Variants in CHCHD3 observed in about 807,000 individuals in gnomAD.
The protein encoded by CHCHD3 is MICOS complex subunit MIC19.
CHCHD3 carries 20 observed loss-of-function variants against 38.2 expected under a neutral mutation model. The ratio of observed to expected loss-of-function variants is 0.52; its 90% CI spans 0.37 to 0.76. The LOEUF is 0.76. Ranked by LOEUF, CHCHD3 falls within the 30% of genes least tolerant of loss-of-function variation. The pLI is 0.00. For missense variants in CHCHD3, 245 were observed against 279.2 expected (o/e 0.88, Z 0.87); for synonymous variants, 82 against 100.0 (o/e 0.82, Z 1.07).
chr7:133,049,940 T>C (rs1387163819), intron 2 of CHCHD3, among the ~76,000 whole-genome samples: 1 of 152,176 alleles, frequency 6.6e-6, no homozygotes. Flanking sequence ...AGGTACACAT[T>C]TATTCGTCTC....
chr7:132,995,000 T>C (rs1029964048), intron 3 of CHCHD3, among the ~76,000 whole-genome samples: 1 of 152,232 alleles, frequency 6.6e-6, no homozygotes, highest in African/African-American at 2.4e-5. Context: ...TGACAGATGT[T>C]TTATTTCTAG....
intron 3 of CHCHD3, among the ~76,000 whole-genome samples, chr7:132,980,989 G>GT (rs1185555786): frequency 6.6e-6 from 1 of 151,942 alleles, no homozygotes; most frequent in Non-Finnish European, 1.5e-5. Context: ...TAGTTTTTTT[G>GT]TTTTTTGTTT....
At chr7:132,891,932 T>C (rs551156795) in intron 4 of CHCHD3, among the ~76,000 whole-genome samples, 39 of 152,318 alleles carry the variant, frequency 2.6e-4, no homozygotes, top group African/African-American at 6.5e-4. Context: ...CCTTCCACCA[T>C]GATTGTAAGT....
In CHCHD3 at chr7:133,013,958, G is replaced by A. The variant is rs79177693; in HGVS notation, c.251+10588C>T. Among the ~76,000 whole-genome samples, 434 of 152,062 alleles carry A rather than the reference G, an allele frequency of 2.9e-3. 1 individual carries two copies. The highest frequency in any genetic ancestry group is 9.3e-3 in the African/African-American group (384 of 41,470). On this transcript the variant is annotated intron_variant, in intron 3 of 7. Transcript: ENST00000262570. ...TTCCTATGTCAAACCTACCTGGTTC[G>A]GTAGAAATAATGGAAGAATTGCAGA...
intron 3 of CHCHD3, among the ~76,000 whole-genome samples, chr7:133,015,006 A>T (rs1243848225): frequency 6.6e-6 from 1 of 152,166 alleles, no homozygotes; most frequent in Non-Finnish European, 1.5e-5. Flanking sequence ...AGAAATTTAA[A>T]CTGCCATTGT....
chr7:132,990,607 A>G (rs1421305), intron 3 of CHCHD3, among the ~76,000 whole-genome samples: 107,654 of 151,720 alleles, frequency 0.71, 38,344 homozygotes, highest in African/African-American at 0.75. Context: ...ATGAAATAAC[A>G]TGAGAATCTC....
intron 2 of CHCHD3, among the ~76,000 whole-genome samples, chr7:133,066,005 G>A (rs1268008896): frequency 6.6e-6 from 1 of 152,148 alleles, no homozygotes; most frequent in Non-Finnish European, 1.5e-5. Context: ...AAGCACTGGT[G>A]TGTTCCAGAT....
intron 5 of CHCHD3, among the ~76,000 whole-genome samples, chr7:132,879,387 G>A (rs764005173): frequency 2.6e-5 from 4 of 152,118 alleles, no homozygotes; most frequent in Non-Finnish European, 5.9e-5. Flanking sequence ...GCTTCATGCT[G>A]AGCCAAAACC....
intron 3 of CHCHD3, among the ~76,000 whole-genome samples, chr7:132,984,535 T>G (rs1321984869): frequency 2.9e-5 from 4 of 137,712 alleles, no homozygotes; most frequent in Admixed American, 7.3e-5. Flanking sequence ...TCGTCTGGGA[T>G]GTGAGGAGCC....
chr7:132,939,590 C>T lies in CHCHD3; in HGVS notation c.369+35579G>A, dbSNP rs559090279. ...ACTCTCTAGTATTCACACAATGATG[C>T]ATTTTTCAGAATGTATCTTCTTTGT... On this transcript the variant is annotated intron_variant, in intron 4 of 7. Coordinates refer to ENST00000262570, the MANE Select transcript of CHCHD3 (RefSeq NM_017812.4). Among the ~76,000 whole-genome samples, 10 of 152,260 alleles carry T rather than the reference C, an allele frequency of 6.6e-5. No homozygotes were observed. The South Asian group carries it at 8.3e-4, about 13-fold the overall frequency.
At chr7:133,058,260 G>A (rs1350424936) in intron 2 of CHCHD3, among the ~76,000 whole-genome samples, 1 of 149,014 alleles carries the variant, frequency 6.7e-6, no homozygotes, top group Non-Finnish European at 1.5e-5. Flanking sequence ...TTTTCTTTGA[G>A]ATGGGGTGTC....
intron 4 of CHCHD3, among the ~76,000 whole-genome samples, chr7:132,940,739 G>C (rs1476360557): frequency 6.6e-6 from 1 of 152,082 alleles, no homozygotes; most frequent in African/African-American, 2.4e-5. Context: ...CATTGACTTG[G>C]GTGGAAATAA....
At chr7:132,901,721 T>G (rs992073940) in intron 4 of CHCHD3, among the ~76,000 whole-genome samples, 17 of 152,360 alleles carry the variant, frequency 1.1e-4, no homozygotes, top group African/African-American at 3.4e-4. Flanking sequence ...ATTAGCCCTT[T>G]GTCAGATAAG....
intron 3 of CHCHD3, among the ~76,000 whole-genome samples, chr7:132,976,289 C>G (rs956563159): frequency 6.6e-6 from 1 of 152,182 alleles, no homozygotes. Flanking sequence ...CATGCTCTAG[C>G]AAACTAAGAC....
chr7:132,981,020 C>G (rs1469499417), intron 3 of CHCHD3, among the ~76,000 whole-genome samples: 1 of 152,146 alleles, frequency 6.6e-6, no homozygotes, highest in Non-Finnish European at 1.5e-5. Context: ...TGGTCTTGCT[C>G]TCTTGCCCAG....
intron 1 of CHCHD3, 121 bp downstream of exon 1, chr7:133,081,736 T>C (rs1815176674): frequency 3.3e-6 from 3 of 919,860 alleles, no homozygotes; most frequent in Middle Eastern, 2.1e-4. Flanking sequence ...ACACCTGGGC[T>C]TCTGGCCTTA....
intron 6 of CHCHD3, among the ~76,000 whole-genome samples, chr7:132,817,891 C>A (rs1318187194): frequency 2.9e-4 from 39 of 136,116 alleles, no homozygotes; most frequent in Admixed American, 5.9e-4. Flanking sequence ...GACCCTGTCT[C>A]AAAAAAAAAA....
At chr7:132,997,088 G>A (rs1300327402) in intron 3 of CHCHD3, among the ~76,000 whole-genome samples, 2 of 152,086 alleles carry the variant, frequency 1.3e-5, no homozygotes, top group Non-Finnish European at 2.9e-5. Flanking sequence ...CAAATCCCAC[G>A]CAGCATGAAC....
intron 4 of CHCHD3, among the ~76,000 whole-genome samples, chr7:132,945,663 A>G (rs2117277931): frequency 6.6e-6 from 1 of 152,068 alleles, no homozygotes; most frequent in Non-Finnish European, 1.5e-5. Flanking sequence ...CCCATTTAAT[A>G]ACACTCATCT....
Sources: gnomAD v4.1 joint callset for allele counts (sites outside exome capture counted in the v4.1 genomes callset) on GRCh38, gnomAD v4.1.1 for gene constraint, MANE v1.5 for transcripts, NCBI Gene and HGNC (gene_info 2026-07-23, HGNC 2026-07-21) for gene names.